MEGF11: variants seen among roughly 807,000 people sequenced by gnomAD.
MEGF11 encodes multiple epidermal growth factor-like domains protein 11.
A neutral mutation model predicts 146.6 loss-of-function variants in MEGF11; 126 were observed. The ratio of observed to expected loss-of-function variants is 0.86; its 90% confidence interval spans 0.74 to 1.00. The LOEUF is 1.00. Ranked by LOEUF, MEGF11 falls within the 50% of genes least tolerant of loss-of-function variation. The pLI is 0.00. For missense variants in MEGF11, 1,509 were observed against 1,521.2 expected (o/e 0.99, Z 0.13); for synonymous variants, 532 against 583.4 (o/e 0.91, Z 1.27).
chr15:65,914,038 G>T, intron 19 of MEGF11, 65 bp from the exon 20 acceptor site: 1 of 1,276,904 alleles, frequency 7.8e-7, no homozygotes, highest in Non-Finnish European at 1.1e-6. Context: ...TCCTGGGCCT[G>T]GGTTCAGATG....
rs869249487 is a variant in MEGF11 at position 65,965,601 on chromosome 15, T to TTTCTTTCTTTC, written c.900-482_900-481insGAAAGAAAGAA. Among the ~76,000 whole-genome samples, 160 of 46,466 alleles carry TTTCTTTCTTTC rather than the reference T, an allele frequency of 3.4e-3. 1 individual carries two copies. The highest frequency in any genetic ancestry group is 5.4e-3 in the Non-Finnish European group (122 of 22,542). The allele number at this position is 46,466 out of a possible 152,430, so 30.5% of individuals were successfully genotyped here. On this transcript the variant is annotated intron_variant, in intron 8 of 25. Coordinates refer to ENST00000395614, the MANE Select transcript of MEGF11 (RefSeq NM_001385028.1). The stretch of plus-strand genomic sequence containing the variant: ...CTTTCTTTCTTTCTTTCTTTCTTTC[T>TTTCTTTCTTTC]TTTTTTTTTTTCTTTTTTTTTTTTT...
At chr15:65,899,192 T>C (rs768406353) in intron 24 of MEGF11, among the ~76,000 whole-genome samples, 4 of 152,214 alleles carry the variant, frequency 2.6e-5, no homozygotes, top group Non-Finnish European at 5.9e-5. Flanking sequence ...ATTCAAGATA[T>C]GCATAATATG....
At position 66,082,195 on chromosome 15, in the gene MEGF11, G is replaced by A. The variant is rs564118400; in HGVS notation, c.394+12207C>T. On this transcript the variant is annotated intron_variant, in intron 5 of 25. Coordinates refer to ENST00000395614, the MANE Select transcript of MEGF11 (RefSeq NM_001385028.1). Reference sequence around the variant, plus strand: ...ATCCCAGATCTGCTGCTTGATAGTTGGGTGAATATCAGAAGTGACTCCACC... The same window carrying A: ...ATCCCAGATCTGCTGCTTGATAGTTAGGTGAATATCAGAAGTGACTCCACC... Among the ~76,000 whole-genome samples the A allele has an allele frequency of 5.9e-5, 9 of 151,960 alleles. No individual in the cohort carries two copies. The East Asian group carries it at 1.7e-3, about 30-fold the overall frequency.
At chr15:66,060,882 C>A (rs940291871) in intron 5 of MEGF11, among the ~76,000 whole-genome samples, 1 of 152,242 alleles carries the variant, frequency 6.6e-6, no homozygotes, top group Non-Finnish European at 1.5e-5. Flanking sequence ...GAAACAGAGA[C>A]CCTCATGAGG....
At position 66,122,261 on chromosome 15, in the gene MEGF11, C is replaced by CAA. The variant is rs35684952; in HGVS notation, c.200+1636_200+1637dup. 2.7e-3 allele frequency among the ~76,000 whole-genome samples: 384 copies of CAA among 141,396 alleles called. 1 individual carries two copies. The highest frequency in any genetic ancestry group is 0.015 in the East Asian group (69 of 4,672). 92.8% of individuals were successfully genotyped at this position (141,396 alleles called of 152,430 possible). ...CCTGGGCAACAGAGTGCGATTCTGT[C>CAA]AAAAAAAAAAAACTACCTATGCAGA... On this transcript the variant is annotated intron_variant, in intron 3 of 25. Coordinates refer to ENST00000395614, the MANE Select transcript of MEGF11 (RefSeq NM_001385028.1).
rs150554893 is a variant in MEGF11 at position 66,061,389 on chromosome 15, C to T, written c.394+33013G>A. Among the ~76,000 whole-genome samples, 486 of 152,306 alleles carry T rather than the reference C, an allele frequency of 3.2e-3. 4 individuals carry two copies. Among genetic ancestry groups the T allele is most frequent in the African/African-American group, 0.011 (467 of 41,544 alleles). Reference sequence around the variant, plus strand: ...TAACATGGGGCTGGAAAGGCTTGACCCCCACACGTCAGACTTAGCCTCCTT... The same window carrying T: ...TAACATGGGGCTGGAAAGGCTTGACTCCCACACGTCAGACTTAGCCTCCTT... On this transcript the variant is annotated intron_variant, in intron 5 of 25. Transcript: ENST00000395614.
chr15:66,119,004 A>T (rs535509392), intron 4 of MEGF11, 82 bp downstream of exon 4: 2 of 904,696 alleles, frequency 2.2e-6, no homozygotes, highest in Middle Eastern at 2.3e-4. Flanking sequence ...CGTGGATATC[A>T]GCCCCACCTC....
At chr15:66,174,270 A>G (rs1392348273) in intron 1 of MEGF11, among the ~76,000 whole-genome samples, 2 of 152,192 alleles carry the variant, frequency 1.3e-5, no homozygotes, top group Non-Finnish European at 2.9e-5. Flanking sequence ...CAGAGATCAG[A>G]AAGGGGCTGC....
intron 1 of MEGF11, among the ~76,000 whole-genome samples, chr15:66,227,581 G>A (rs187797667): frequency 4.6e-5 from 7 of 152,060 alleles, no homozygotes; most frequent in East Asian, 3.9e-4. Context: ...CCACCCACCC[G>A]CATACCTGCT....
intron 1 of MEGF11, among the ~76,000 whole-genome samples, chr15:66,167,336 T>C (rs1484266767): frequency 2.0e-5 from 3 of 152,190 alleles, no homozygotes; most frequent in African/African-American, 7.2e-5. Flanking sequence ...TTCATTTTTA[T>C]ACAGCTAAAG....
At chr15:66,209,656 T>A (rs1489252304) in intron 1 of MEGF11, among the ~76,000 whole-genome samples, 1 of 152,154 alleles carries the variant, frequency 6.6e-6, no homozygotes, top group Admixed American at 6.5e-5. Context: ...AAAATGCCAT[T>A]CATAAAGGTT....
intron 1 of MEGF11, among the ~76,000 whole-genome samples, chr15:66,200,039 A>C (rs2091112023): frequency 6.6e-6 from 1 of 152,284 alleles, no homozygotes; most frequent in African/African-American, 2.4e-5. Context: ...AAGCAGATCT[A>C]TATACAAATC....
chr15:66,123,860 T>G, intron 3 of MEGF11, 39 bp downstream of exon 3: 1 of 1,545,508 alleles, frequency 6.5e-7, no homozygotes, highest in South Asian at 1.1e-5. Flanking sequence ...GAGAGCCCAG[T>G]GCCTTTTCCC....
At chr15:66,093,826 C>T (rs2086421193) in intron 5 of MEGF11, among the ~76,000 whole-genome samples, 1 of 152,102 alleles carries the variant, frequency 6.6e-6, no homozygotes, top group African/African-American at 2.4e-5. Context: ...GGAGAGCATC[C>T]ACCTCACCCC....
rs940542308 is a variant in MEGF11 at position 65,982,222 on chromosome 15, G to A, written c.641+20C>T. 9.2e-6 allele frequency: 12 copies of A among 1,301,050 alleles called. No homozygotes were observed. The African/African-American group carries it at 1.7e-4, about 19-fold the overall frequency. 80.6% of individuals were successfully genotyped at this position (1,301,050 alleles called of 1,614,324 possible). On this transcript the variant is annotated intron_variant, in intron 6 of 25. Coordinates refer to ENST00000395614, the MANE Select transcript of MEGF11 (RefSeq NM_001385028.1). The surrounding 1 kb of genome is among the most constrained non-coding windows in gnomAD (Gnocchi z 5.6). ...CGCCCCTCCAGGTCCCGCCCCTCCA[G>A]GTCCTGCCGCATGACTCACTAGACG...
chr15:66,163,374 G>T (rs28505766), intron 1 of MEGF11, among the ~76,000 whole-genome samples: 1,937 of 152,200 alleles, frequency 0.013, 36 homozygotes, highest in African/African-American at 0.044. Context: ...CCCTAGGAAG[G>T]CCGATTTCAG....
At chr15:66,031,681 T>G (rs1460183442) in intron 5 of MEGF11, among the ~76,000 whole-genome samples, 2 of 152,212 alleles carry the variant, frequency 1.3e-5, no homozygotes, top group Non-Finnish European at 1.5e-5. Flanking sequence ...ATTCAGTGTG[T>G]GATCTTGAGC....
intron 5 of MEGF11, 54 bp downstream of exon 5, chr15:66,094,348 T>A (rs533672735): frequency 6.9e-7 from 1 of 1,454,854 alleles, no homozygotes; most frequent in South Asian, 1.2e-5. Flanking sequence ...CACAACCCAC[T>A]CCCCTACCAA....
chr15:66,157,619 A>ATTGT (rs1404635808), intron 1 of MEGF11, among the ~76,000 whole-genome samples: 1 of 152,244 alleles, frequency 6.6e-6, no homozygotes, highest in Non-Finnish European at 1.5e-5. Flanking sequence ...AAGAGGGGAC[A>ATTGT]TTGTTAGAAG....
Sources: gnomAD v4.1 joint callset for allele counts (sites outside exome capture counted in the v4.1 genomes callset) on GRCh38, gnomAD v4.1.1 for gene constraint, Gnocchi (gnomAD v3.1) non-coding constraint, MANE v1.5 for transcripts, NCBI Gene and HGNC (gene_info 2026-07-23, HGNC 2026-07-21) for gene names.